The following NAP1L1 variants were observed in gnomAD, a reference collection of about 807,000 sequenced individuals.
NAP1L1 encodes the protein nucleosome assembly protein 1-like 1.
Under a neutral mutation model 58.9 loss-of-function variants are expected in NAP1L1, and 9 were observed. The ratio of observed to expected loss-of-function variants is 0.15; its 90% CI spans 0.09 to 0.27. The LOEUF (loss-of-function observed/expected upper bound fraction) is 0.27. Ranked by LOEUF, NAP1L1 falls within the 10% of genes least tolerant of loss-of-function variation. The pLI, the probability that NAP1L1 is intolerant of heterozygous loss-of-function variation, is 1.00. For synonymous variants in NAP1L1, 130 were observed against 138.3 expected, an observed-to-expected ratio of 0.94 and a Z score of 0.42; for missense variants, 302 against 458.8, an observed-to-expected ratio of 0.66 and a Z score of 3.12.
intron 1 of NAP1L1, among the ~76,000 whole-genome samples, chr12:76,077,469 A>G (rs928252305): frequency 2.6e-5 from 4 of 152,204 alleles, no homozygotes; most frequent in African/African-American, 9.6e-5. Context: ...AAAAATCTGC[A>G]TTCTAAACAA....
intron 6 of NAP1L1, chr12:76,057,155 G>T (rs532581470): frequency 5.1e-6 from 1 of 197,120 alleles, no homozygotes; most frequent in African/African-American, 2.4e-5. Flanking sequence ...ATTAAGCTGG[G>T]CATAGTAGCT....
chr12:76,075,343 T>C (rs539182244), intron 1 of NAP1L1, among the ~76,000 whole-genome samples: 1 of 152,100 alleles, frequency 6.6e-6, no homozygotes, highest in Non-Finnish European at 1.5e-5. Context: ...AATCAAGTTA[T>C]CTGGTAAAAA....
At chr12:76,062,210 C>G (rs1419168519) in intron 4 of NAP1L1, among the ~76,000 whole-genome samples, 1 of 152,172 alleles carries the variant, frequency 6.6e-6, no homozygotes, top group Non-Finnish European at 1.5e-5. Flanking sequence ...TTGATCCAAT[C>G]TAGGAATGAT....
intron 12 of NAP1L1, 149 bp from the exon 13 acceptor site, chr12:76,049,934 G>T (rs150017012): frequency 1.3e-6 from 1 of 765,554 alleles, no homozygotes; most frequent in African/African-American, 1.7e-5. Context: ...AAAACACATA[G>T]TAGCTGCAAG....
chr12:76,083,943 G>T (rs1950506824), intron 1 of NAP1L1: 1 of 152,196 alleles, frequency 6.6e-6, no homozygotes, highest in Non-Finnish European at 1.5e-5. Context: ...TACCACGTGT[G>T]GAGCGAAGCC....
rs1364919720 is a variant in NAP1L1 at position 76,045,017 on chromosome 12, G to GT, written c.*3411dup. 1.3e-5 allele frequency: 2 copies of GT among 151,822 alleles called. No homozygotes were observed. The highest frequency in any genetic ancestry group is 4.8e-5 in the African/African-American group (2 of 41,334). The allele number at this position is 151,822 out of a possible 1,614,324, so 9.4% of individuals were successfully genotyped here. ...ATCACCATTTACATGTACTTTTCAG[G>GT]TATCAGAGACTTAGTGCTTTAAGTA... On this transcript the variant is annotated 3_prime_UTR_variant, in exon 15 of 15. Coordinates refer to ENST00000618691, the MANE Select transcript of NAP1L1 (RefSeq NM_004537.7).
chr12:76,052,829 G>A (rs1948905422), intron 11 of NAP1L1, among the ~76,000 whole-genome samples: 1 of 152,160 alleles, frequency 6.6e-6, no homozygotes, highest in Non-Finnish European at 1.5e-5. Context: ...GAAGACAACA[G>A]TTTTGAAAAG....
In NAP1L1 at chr12:76,042,151, T is replaced by TA. The variant is rs1948557518; in HGVS notation, c.*6277dup. The stretch of plus-strand genomic sequence containing the variant: ...TCTCAGTGTTCTTATGTACACTGAG[T>TA]AATGCATCCCTTACACCTAGGAGGA... On this transcript the variant is annotated 3_prime_UTR_variant, in exon 15 of 15. Transcript: ENST00000618691. The TA allele has an allele frequency of 6.6e-6, 1 of 152,144 alleles. No homozygotes were observed. The highest frequency in any genetic ancestry group is 1.5e-5 in the Non-Finnish European group (1 of 68,022). The allele number at this position is 152,144 out of a possible 1,614,324, so 9.4% of individuals were successfully genotyped here.
chr12:76,056,680 G>A (rs771146117), intron 6 of NAP1L1: 3 of 439,954 alleles, frequency 6.8e-6, no homozygotes, highest in South Asian at 1.6e-5. Flanking sequence ...AGCCTACCAT[G>A]AAGTTAAAAA....
chr12:76,045,918 T>C lies in NAP1L1; in HGVS notation c.*2511A>G, dbSNP rs1687603904. ...ACTACAATCAGAGTGTAAAGACAAATCTCAAAAATGTTTGTAGATAACTCA... is the reference window on the plus strand; with the variant it reads ...ACTACAATCAGAGTGTAAAGACAAACCTCAAAAATGTTTGTAGATAACTCA... On this transcript the variant is annotated 3_prime_UTR_variant, in exon 15 of 15. Transcript: ENST00000618691. The C allele has an allele frequency of 6.6e-6, 1 of 151,912 alleles. No homozygotes were observed. The highest frequency in any genetic ancestry group is 2.4e-5 in the African/African-American group (1 of 41,414). The allele number at this position is 151,912 out of a possible 1,614,324, so 9.4% of individuals were successfully genotyped here.
At chr12:76,061,087 C>A in intron 4 of NAP1L1, 3 of 417,602 alleles carry the variant, frequency 7.2e-6, no homozygotes, top group African/African-American at 2.1e-5. Flanking sequence ...AGAATGAGAC[C>A]CTGTCTCAAA....
chr12:76,082,585 G>A (rs560248924), intron 1 of NAP1L1, among the ~76,000 whole-genome samples: 1 of 152,310 alleles, frequency 6.6e-6, no homozygotes, highest in South Asian at 2.1e-4. Flanking sequence ...GACAGAAGAT[G>A]TCCAAGTCCA....
Position 76,058,191 on chromosome 12 carries a change from C to CTTCATATATATATATATATA in NAP1L1, c.429+1606_429+1607insTATATATATATATATATGAA, listed in dbSNP as rs1243475241. ...TAGATATGGCCAAAGGGAGAGAGGC[C>CTTCATATATATATATATATA]TACATATATATATATATATATATAT... is the stretch of plus-strand genomic sequence containing the variant. On this transcript the variant is annotated intron_variant, in intron 6 of 14. Coordinates refer to ENST00000618691, the MANE Select transcript of NAP1L1 (RefSeq NM_004537.7). 26 of 315,408 alleles carry CTTCATATATATATATATATA rather than the reference C, an allele frequency of 8.2e-5. No homozygotes were observed. The African/African-American group carries it at 1.1e-3, about 13-fold the overall frequency. 19.5% of individuals were successfully genotyped at this position (315,408 alleles called of 1,614,324 possible).
chr12:76,076,029 T>C (rs949505064), intron 1 of NAP1L1, among the ~76,000 whole-genome samples: 4 of 152,112 alleles, frequency 2.6e-5, no homozygotes, highest in East Asian at 1.9e-4. Context: ...AAACAAAATA[T>C]GTCCATCTCC....
rs1468463257 is a variant in NAP1L1, at chr12:76,047,406, A to G, written c.*1023T>C. The G allele has an allele frequency of 6.6e-6, 1 of 150,496 alleles. No homozygotes were observed. Among genetic ancestry groups the G allele is most frequent in the South Asian group, 2.1e-4 (1 of 4,774 alleles). The allele number at this position is 150,496 out of a possible 1,614,324, so 9.3% of individuals were successfully genotyped here. On this transcript the variant is annotated 3_prime_UTR_variant, in exon 15 of 15. Coordinates refer to ENST00000618691, the MANE Select transcript of NAP1L1 (RefSeq NM_004537.7). ...TTTTTTTTAAAAGAAAACAGCATCA[A>G]TCACTTAAGATTTTCTTCCTCTTTT...
At chr12:76,060,359 T>C (rs1246708265) in intron 4 of NAP1L1, 80 bp from the exon 5 acceptor site, 26 of 1,412,782 alleles carry the variant, frequency 1.8e-5, no homozygotes, top group Admixed American at 2.1e-5. Flanking sequence ...AACTGAAGCA[T>C]TGGAGTTAGT....
At chr12:76,074,345 A>C (rs1055343373) in intron 1 of NAP1L1, 106 bp from the exon 2 acceptor site, 19 of 1,354,710 alleles carry the variant, frequency 1.4e-5, no homozygotes, top group Non-Finnish European at 1.8e-5. Flanking sequence ...CTATCCCAAG[A>C]AATGTCTATT....
rs576337661 is a variant in NAP1L1 at position 76,051,634 on chromosome 12, G to C, written c.937-981C>G. The stretch of plus-strand genomic sequence containing the variant: ...TCCACCTCCGCCACCAGAGCAGCTG[G>C]GACTACAGGTGCCTGAAGCTGTACC... On this transcript the variant is annotated intron_variant, in intron 11 of 14. Transcript: ENST00000618691. Among the ~76,000 whole-genome samples the C allele has an allele frequency of 4.1e-4, 63 of 152,172 alleles. No homozygotes were observed. In the East Asian group the frequency reaches 9.5e-3, roughly 23 times the overall value.
At chr12:76,055,899 T>A in intron 7 of NAP1L1, 134 bp downstream of exon 7, 1 of 903,192 alleles carries the variant, frequency 1.1e-6, no homozygotes, top group East Asian at 2.5e-5. Context: ...ATTTCTCTTC[T>A]ACAGATATTA....
Sources: gnomAD v4.1 joint callset for allele counts (sites outside exome capture counted in the v4.1 genomes callset) on GRCh38, gnomAD v4.1.1 for gene constraint, MANE v1.5 for transcripts, NCBI Gene and HGNC (gene_info 2026-07-23, HGNC 2026-07-21) for gene names.